The following IL1RAPL1 variants were observed in gnomAD, a reference collection of about 807,000 sequenced individuals.
IL1RAPL1 encodes the protein interleukin-1 receptor accessory protein-like 1.
A neutral mutation model predicts 48.4 loss-of-function variants in IL1RAPL1; 3 were observed. The observed-to-expected ratio is 0.06, with a 90% CI of 0.03 to 0.16. The LOEUF is 0.16. Ranked by LOEUF, IL1RAPL1 falls within the 10% of genes least tolerant of loss-of-function variation. The probability of loss-of-function intolerance (pLI) is 1.00; values close to 1 mark genes in which losing one functional copy is unlikely to be tolerated. For missense variants in IL1RAPL1, 349 were observed against 530.6 expected (o/e 0.66, Z 3.36); for synonymous variants, 185 against 187.7 (o/e 0.99, Z 0.12).
chrX:29,675,672 C>G (rs1056932568), intron 6 of IL1RAPL1, among the ~76,000 whole-genome samples: 7 of 111,485 alleles, frequency 6.3e-5, no homozygotes, highest in African/African-American at 2.0e-4. Flanking sequence ...CTCACTGCAG[C>G]CTCCGCCTCC....
chrX:29,231,536 A>G (rs1931202610), intron 2 of IL1RAPL1, among the ~76,000 whole-genome samples: 1 of 111,715 alleles, frequency 9.0e-6, no homozygotes, highest in African/African-American at 3.3e-5. Context: ...TAGGTGGCTT[A>G]TCTAACTTTA....
At chrX:29,455,760 A>C (rs1934731958) in intron 5 of IL1RAPL1, among the ~76,000 whole-genome samples, 1 of 111,735 alleles carries the variant, frequency 8.9e-6, no homozygotes, top group Non-Finnish European at 1.9e-5. Context: ...AATTAAAAAA[A>C]CCCCACAGTT....
intron 5 of IL1RAPL1, among the ~76,000 whole-genome samples, chrX:29,442,601 A>G (rs1412373472): frequency 8.9e-6 from 1 of 112,193 alleles, no homozygotes; most frequent in African/African-American, 3.2e-5. Flanking sequence ...CATGCTTGTA[A>G]TCCCAGCACT....
At chrX:28,730,030 C>G (rs1369590401) in intron 1 of IL1RAPL1, among the ~76,000 whole-genome samples, 1 of 111,733 alleles carries the variant, frequency 8.9e-6, no homozygotes, top group Non-Finnish European at 1.9e-5. Context: ...ATGATAGTTT[C>G]TAATAGGTGG....
intron 5 of IL1RAPL1, among the ~76,000 whole-genome samples, chrX:29,478,112 A>T (rs1354356676): frequency 1.8e-5 from 2 of 112,315 alleles, no homozygotes; most frequent in Non-Finnish European, 3.8e-5. Flanking sequence ...CTTTGTTAGT[A>T]TTACCTACTC....
intron 2 of IL1RAPL1, among the ~76,000 whole-genome samples, chrX:29,251,798 T>C (rs1480836970): frequency 9.0e-6 from 1 of 111,001 alleles, no homozygotes; most frequent in Non-Finnish European, 1.9e-5. Flanking sequence ...AAAAGTCCAG[T>C]AGGACTTCCG....
chrX:28,615,130 T>C (rs1424983980), intron 1 of IL1RAPL1, among the ~76,000 whole-genome samples: 47 of 105,916 alleles, frequency 4.4e-4, no homozygotes, highest in Non-Finnish European at 7.1e-4. Context: ...CCTCGTGATC[T>C]GCCCGCCTTG....
intron 2 of IL1RAPL1, among the ~76,000 whole-genome samples, chrX:28,968,538 A>G (rs1924977252): frequency 8.9e-6 from 1 of 112,413 alleles, no homozygotes; most frequent in African/African-American, 3.2e-5. Flanking sequence ...CTTTGAGGAA[A>G]ACATTAGAAA....
At chrX:29,137,429 G>A (rs777232674) in intron 2 of IL1RAPL1, among the ~76,000 whole-genome samples, 17 of 111,669 alleles carry the variant, frequency 1.5e-4, no homozygotes, top group Admixed American at 6.7e-4. Flanking sequence ...TTTAAGTAAC[G>A]GAAATAACAT....
intron 5 of IL1RAPL1, among the ~76,000 whole-genome samples, chrX:29,582,310 A>C (rs1461556393): frequency 9.0e-6 from 1 of 110,934 alleles, no homozygotes; most frequent in African/African-American, 3.3e-5. Flanking sequence ...TTTTTGGTAT[A>C]CAAATATAGC....
intron 6 of IL1RAPL1, among the ~76,000 whole-genome samples, chrX:29,796,141 A>G (rs1195350261): frequency 8.9e-6 from 1 of 112,003 alleles, no homozygotes; most frequent in Non-Finnish European, 1.9e-5. Flanking sequence ...CTGTTTTCCT[A>G]TAATCAGCTA....
intron 5 of IL1RAPL1, among the ~76,000 whole-genome samples, chrX:29,508,287 G>A (rs1275295285): frequency 1.8e-5 from 2 of 111,426 alleles, no homozygotes; most frequent in Non-Finnish European, 3.8e-5. Flanking sequence ...TTTCCAGTTT[G>A]TGGATCTGAG....
intron 2 of IL1RAPL1, among the ~76,000 whole-genome samples, chrX:29,225,715 G>T (rs1931064067): frequency 9.0e-6 from 1 of 111,300 alleles, no homozygotes; most frequent in South Asian, 3.8e-4. Flanking sequence ...TTTGCTAATG[G>T]TACCTTATCA....
intron 1 of IL1RAPL1, among the ~76,000 whole-genome samples, chrX:28,753,392 ACT>A (rs1450183388): frequency 1.8e-5 from 2 of 111,913 alleles, no homozygotes; most frequent in Non-Finnish European, 3.8e-5. Flanking sequence ...CTTGTGTGGG[ACT>A]CTGTCAGTGA....
chrX:28,836,336 TTA>T (rs34343530), intron 2 of IL1RAPL1, among the ~76,000 whole-genome samples: 31,706 of 84,926 alleles, frequency 0.37, 5,565 homozygotes, highest in Middle Eastern at 0.5. Flanking sequence ...CTTCCCAATT[TTA>T]TATATATATA....
intron 2 of IL1RAPL1, among the ~76,000 whole-genome samples, chrX:28,820,852 T>A (rs181410792): frequency 9.0e-6 from 1 of 110,988 alleles, no homozygotes; most frequent in Admixed American, 9.6e-5. Flanking sequence ...TAATGGCCCA[T>A]TTTTCTCTCA....
chrX:29,039,537 C>A (rs767045976), intron 2 of IL1RAPL1, among the ~76,000 whole-genome samples: 1 of 110,553 alleles, frequency 9.0e-6, no homozygotes, highest in East Asian at 2.9e-4. Flanking sequence ...TCTGTTATGC[C>A]CAGAAGTTTA....
rs1555924328 is a variant in IL1RAPL1, at chrX:28,792,816, AATATATATATATATAT to A, written c.82+3411_82+3426del. 2.0e-3 allele frequency among the ~76,000 whole-genome samples: 20 copies of A among 10,108 alleles called. 1 individual carries two copies. The highest frequency in any genetic ancestry group is 3.5e-3 in the Non-Finnish European group (20 of 5,707). 8.8% of individuals were successfully genotyped at this position (10,108 alleles called of 115,157 possible). A position where few individuals can be genotyped will look rare whatever the true frequency, so the allele number is the denominator to read the frequency against. ...AAAAAAAAAAAAAAAAAAAAAAAAA[AATATATATATATATAT>A]ATATATATATATATATATAAAAAAT... On this transcript the variant is annotated intron_variant, in intron 2 of 10. Transcript: ENST00000378993.
intron 1 of IL1RAPL1, among the ~76,000 whole-genome samples, chrX:28,674,990 A>G (rs754885551): frequency 8.9e-6 from 1 of 112,267 alleles, no homozygotes; most frequent in Admixed American, 9.5e-5. Flanking sequence ...TTTAGTTTTA[A>G]TGCACAATAA....
Sources: gnomAD v4.1 joint callset for allele counts (sites outside exome capture counted in the v4.1 genomes callset) on GRCh38, gnomAD v4.1.1 for gene constraint, MANE v1.5 for transcripts, NCBI Gene and HGNC (gene_info 2026-07-23, HGNC 2026-07-21) for gene names.